CALN1: variants seen among roughly 807,000 people sequenced by gnomAD.
CALN1 encodes calcium-binding protein 8.
A neutral mutation model predicts 30.6 loss-of-function variants in CALN1; 17 were observed. The ratio of observed to expected loss-of-function variants is 0.56; its 90% confidence interval spans 0.38 to 0.83. CALN1 has a LOEUF of 0.83. Ranked by LOEUF, CALN1 falls within the 40% of genes least tolerant of loss-of-function variation. The pLI is 0.00. For missense variants in CALN1, 291 were observed against 354.9 expected (o/e 0.82, Z 1.45); for synonymous variants, 156 against 131.4 (o/e 1.19, Z -1.28).
At chr7:72,074,031 T>G (rs1207278071) in intron 4 of CALN1, among the ~76,000 whole-genome samples, 1 of 152,068 alleles carries the variant, frequency 6.6e-6, no homozygotes, top group East Asian at 1.9e-4. Context: ...TCAGCACCTA[T>G]TAGGTGCAAG....
chr7:71,982,717 G>A (rs1395782922), intron 5 of CALN1, among the ~76,000 whole-genome samples: 1 of 152,206 alleles, frequency 6.6e-6, no homozygotes, highest in African/African-American at 2.4e-5. Flanking sequence ...GGCAGATAGT[G>A]AGGGTAAGGA....
At chr7:72,254,812 AC>A (rs1346488023) in intron 3 of CALN1, among the ~76,000 whole-genome samples, 1 of 151,806 alleles carries the variant, frequency 6.6e-6, no homozygotes, top group Non-Finnish European at 1.5e-5. Context: ...TGTTGCCCAG[AC>A]TGGAGTGCAG....
At chr7:72,230,177 T>A (rs1197015382) in intron 3 of CALN1, among the ~76,000 whole-genome samples, 1 of 151,502 alleles carries the variant, frequency 6.6e-6, no homozygotes, top group Non-Finnish European at 1.5e-5. Context: ...AAAACCTAGA[T>A]GACAGGTTGA....
At chr7:72,170,725 A>G (rs1394563096) in intron 3 of CALN1, among the ~76,000 whole-genome samples, 1 of 152,200 alleles carries the variant, frequency 6.6e-6, no homozygotes, top group East Asian at 1.9e-4. Context: ...AAGAAACCAG[A>G]TTTTTTGAGC....
chr7:72,123,433 A>G (rs969567434), intron 3 of CALN1, among the ~76,000 whole-genome samples: 2 of 152,170 alleles, frequency 1.3e-5, no homozygotes, highest in Non-Finnish European at 2.9e-5. Context: ...ATTTTAACTC[A>G]TATCAACCTT....
At chr7:71,869,412 A>G (rs899088197) in intron 5 of CALN1, among the ~76,000 whole-genome samples, 1 of 152,124 alleles carries the variant, frequency 6.6e-6, no homozygotes, top group Admixed American at 6.5e-5. Flanking sequence ...GTGTTTCACC[A>G]TATTAGCCAG....
intron 1 of CALN1, among the ~76,000 whole-genome samples, chr7:72,426,724 T>C (rs535411873): frequency 5.9e-5 from 9 of 152,320 alleles, no homozygotes; most frequent in South Asian, 4.1e-4. Flanking sequence ...CACTGGGCTG[T>C]ATTTATCCCC....
intron 2 of CALN1, among the ~76,000 whole-genome samples, chr7:72,357,016 A>C (rs1803275576): frequency 6.6e-6 from 1 of 151,972 alleles, no homozygotes; most frequent in South Asian, 2.1e-4. Context: ...TCCAGGAAAC[A>C]TGACGGTGTT....
chr7:72,369,493 C>T (rs1804093324), intron 2 of CALN1, among the ~76,000 whole-genome samples: 1 of 151,802 alleles, frequency 6.6e-6, no homozygotes, highest in South Asian at 2.1e-4. Context: ...TCCCGAGTAG[C>T]TGGGATTACA....
intron 5 of CALN1, among the ~76,000 whole-genome samples, chr7:71,887,219 C>G (rs1360138985): frequency 6.6e-6 from 1 of 152,152 alleles, no homozygotes; most frequent in Non-Finnish European, 1.5e-5. Context: ...AACTCATACT[C>G]AAGTGTTTGG....
At chr7:71,962,458 G>T (rs751763934) in intron 5 of CALN1, among the ~76,000 whole-genome samples, 1 of 152,032 alleles carries the variant, frequency 6.6e-6, no homozygotes, top group Non-Finnish European at 1.5e-5. Flanking sequence ...TACCAATACC[G>T]AGTCCATGCT....
intron 2 of CALN1, among the ~76,000 whole-genome samples, chr7:72,373,127 T>TA: frequency 6.6e-6 from 1 of 152,256 alleles, no homozygotes; most frequent in East Asian, 1.9e-4. Flanking sequence ...AAAACACACT[T>TA]AACCAGCTTT....
At chr7:72,008,151 C>T (rs1277996374) in intron 5 of CALN1, among the ~76,000 whole-genome samples, 1 of 152,042 alleles carries the variant, frequency 6.6e-6, no homozygotes, top group Non-Finnish European at 1.5e-5. Flanking sequence ...TTGCAGAAAT[C>T]AAACACATAT....
intron 3 of CALN1, among the ~76,000 whole-genome samples, chr7:72,277,239 G>A (rs979212857): frequency 6.6e-6 from 1 of 152,182 alleles, no homozygotes; most frequent in African/African-American, 2.4e-5. Flanking sequence ...GAGCCACCTA[G>A]TCTATGGTGT....
Position 72,121,321 on chromosome 7 carries a change from AAATT to A in CALN1, c.245-15031_245-15028del, listed in dbSNP as rs1193876663. 6.2e-5 allele frequency among the ~76,000 whole-genome samples: 9 copies of A among 144,230 alleles called. No homozygotes were observed. In the South Asian group the frequency reaches 6.3e-4, roughly 10 times the overall value. The allele number at this position is 144,230 out of a possible 152,430, so 94.6% of individuals were successfully genotyped here. On this transcript the variant is annotated intron_variant, in intron 3 of 6. Coordinates refer to ENST00000395275, the MANE Select transcript of CALN1 (RefSeq NM_031468.4). ...TAATTTATAAATTAAGTGAATATAT[AAATT>A]AAATAATATATAAATTATATTATAT...
chr7:72,140,046 G>C (rs1418254280), intron 3 of CALN1, among the ~76,000 whole-genome samples: 1 of 151,940 alleles, frequency 6.6e-6, no homozygotes, highest in East Asian at 1.9e-4. Context: ...TGAGGTGGGA[G>C]GATTGCTTCA....
chr7:71,813,764 C>A (rs1788100079), intron 5 of CALN1, among the ~76,000 whole-genome samples: 1 of 151,782 alleles, frequency 6.6e-6, no homozygotes, highest in Non-Finnish European at 1.5e-5. Context: ...CCCGTCTCTA[C>A]TAAAAAATAC....
intron 5 of CALN1, among the ~76,000 whole-genome samples, chr7:71,910,844 T>G (rs901487815): frequency 6.6e-6 from 1 of 152,172 alleles, no homozygotes; most frequent in Non-Finnish European, 1.5e-5. Flanking sequence ...CCCAATGTAT[T>G]GCTTTTGTGC....
chr7:72,008,818 T>C (rs866090409), intron 5 of CALN1, among the ~76,000 whole-genome samples: 1 of 151,848 alleles, frequency 6.6e-6, no homozygotes, highest in Non-Finnish European at 1.5e-5. Flanking sequence ...ACCACGCCCA[T>C]CTAATTTTTG....
Sources: allele counts gnomAD v4.1 joint callset (sites outside exome capture counted in the v4.1 genomes callset), GRCh38; gene constraint gnomAD v4.1.1; transcripts MANE v1.5; gene names NCBI Gene and HGNC (gene_info 2026-07-23, HGNC 2026-07-21).